Variants in SLC2A9 observed in about 807,000 individuals in gnomAD.
SLC2A9 encodes the protein solute carrier family 2 member 9, also known as solute carrier family 2, facilitated glucose transporter member 9.
In SLC2A9, 39 loss-of-function variants were observed where a neutral mutation model predicts 50.6. That is an observed-to-expected ratio of 0.77 (90% CI 0.60 to 1.01). The LOEUF (loss-of-function observed/expected upper bound fraction) is 1.01, where lower values mean the gene tolerates loss of function less well. Among genes scored for constraint, SLC2A9 ranks in the 50% least tolerant of loss-of-function variants. SLC2A9 has a pLI of 0.00. For synonymous variants in SLC2A9, 324 were observed against 276.9 expected, an observed-to-expected ratio of 1.17 and a Z score of -1.69; for missense variants, 686 against 677.6, an observed-to-expected ratio of 1.01 and a Z score of -0.14.
intron 8 of SLC2A9, among the ~76,000 whole-genome samples, chr4:9,897,444 G>A (rs12644592): frequency 0.61 from 92,585 of 151,824 alleles, 29,112 homozygotes; most frequent in Non-Finnish European, 0.68. Context: ...GTTTGGGAAT[G>A]GGGTCTTTAT....
At chr4:9,938,796 C>T (rs1246341645) in intron 6 of SLC2A9, among the ~76,000 whole-genome samples, 1 of 152,148 alleles carries the variant, frequency 6.6e-6, no homozygotes, top group Non-Finnish European at 1.5e-5. Flanking sequence ...ATCACAGAAG[C>T]AAAGCACCAT....
At chr4:10,007,077 T>C (rs958467165) in intron 2 of SLC2A9, among the ~76,000 whole-genome samples, 1 of 152,210 alleles carries the variant, frequency 6.6e-6, no homozygotes, top group African/African-American at 2.4e-5. Context: ...TTTGCTGACT[T>C]AGCATTGTGT....
intron 8 of SLC2A9, among the ~76,000 whole-genome samples, chr4:9,906,717 A>C (rs1006483741): frequency 1.3e-5 from 2 of 152,226 alleles, no homozygotes; most frequent in Non-Finnish European, 2.9e-5. Context: ...AAAATACTTT[A>C]CAAAAAACAA....
intron 3 of SLC2A9, among the ~76,000 whole-genome samples, chr4:9,808,762 G>A (rs1722459560): frequency 6.6e-6 from 1 of 152,186 alleles, no homozygotes; most frequent in Non-Finnish European, 1.5e-5. Flanking sequence ...GAGCAGCAGT[G>A]TGAACCAGAG....
chr4:9,890,858 G>T, intron 8 of SLC2A9, 147 bp from the exon 9 acceptor site: 2 of 709,642 alleles, frequency 2.8e-6, no homozygotes, highest in East Asian at 2.7e-5. Flanking sequence ...TATGGCCACA[G>T]CCCTGAAGCA....
intron 3 of SLC2A9, chr4:9,782,659 C>T (rs2227846): frequency 1.1e-5 from 18 of 1,613,866 alleles, no homozygotes; most frequent in East Asian, 2.2e-5. Context: ...TTTGGGAGCC[C>T]GACGTGAATG....
At chr4:10,029,574 A>ATTTATT (rs1470059431) in intron 1 of SLC2A9, among the ~76,000 whole-genome samples, 2 of 73,786 alleles carry the variant, frequency 2.7e-5, no homozygotes, top group South Asian at 9.8e-4. Flanking sequence ...TATTTATTTT[A>ATTTATT]TATTTTTATT....
intron 6 of SLC2A9, among the ~76,000 whole-genome samples, chr4:9,937,702 A>G (rs565175438): frequency 8.5e-5 from 13 of 152,178 alleles, no homozygotes; most frequent in African/African-American, 2.9e-4. Flanking sequence ...CCATCTCCAG[A>G]TGGGTATAGG....
intron 3 of SLC2A9, among the ~76,000 whole-genome samples, chr4:9,994,600 G>T (rs1373412789): frequency 6.8e-6 from 1 of 148,112 alleles, no homozygotes. Context: ...TGCCAGTGAG[G>T]GTAGTAAAGC....
intron 10 of SLC2A9, among the ~76,000 whole-genome samples, chr4:9,861,926 G>C (rs1343923846): frequency 1.3e-5 from 2 of 152,192 alleles, no homozygotes; most frequent in African/African-American, 4.8e-5. Context: ...GGTATTGAAA[G>C]TAAAATTCCT....
At chr4:10,022,235 T>G (rs1223771077), upstream of SLC2A9, among the ~76,000 whole-genome samples, 2 of 152,268 alleles carry the variant, frequency 1.3e-5, no homozygotes, top group Non-Finnish European at 2.9e-5. Context: ...GACCCCACTC[T>G]GACTGTCCTG....
chr4:9,824,902 C>T (rs1321371964), downstream of SLC2A9, among the ~76,000 whole-genome samples: 1 of 152,152 alleles, frequency 6.6e-6, no homozygotes, highest in Non-Finnish European at 1.5e-5. Context: ...TTTCAGCCAA[C>T]CCAAAGCTGG....
intron 8 of SLC2A9, among the ~76,000 whole-genome samples, chr4:9,893,958 T>G (rs1226448073): frequency 6.6e-6 from 1 of 151,792 alleles, no homozygotes; most frequent in Non-Finnish European, 1.5e-5. Context: ...AGGCCAAGAG[T>G]GATTATGGGA....
intron 6 of SLC2A9, among the ~76,000 whole-genome samples, chr4:9,924,735 A>G (rs145983116): frequency 1.6e-3 from 251 of 152,308 alleles, no homozygotes; most frequent in African/African-American, 5.7e-3. Flanking sequence ...ACCTTGACTC[A>G]GGCTTTGGGG....
At chr4:9,778,249 A>G (rs1253548154), downstream of SLC2A9, among the ~76,000 whole-genome samples, 2 of 151,758 alleles carry the variant, frequency 1.3e-5, no homozygotes, top group Non-Finnish European at 2.9e-5. Context: ...CTCTTTCTGT[A>G]GCTGGGGTTA....
In SLC2A9 at chr4:9,826,336, GATC is replaced by G; in HGVS notation, c.*58_*60del. On this transcript the variant is annotated 3_prime_UTR_variant, in exon 12 of 12. Transcript: ENST00000264784. ...AAATTTTAAGTTTCCTGAAAAGTGAGATCATCCATGTAGACAATCCTGTTTTTG... is the reference window on the plus strand; with the variant it reads ...AAATTTTAAGTTTCCTGAAAAGTGAGATCCATGTAGACAATCCTGTTTTTG... 1.3e-6 allele frequency: 2 copies of G among 1,549,608 alleles called. No individual in the cohort carries two copies. Among genetic ancestry groups the G allele is most frequent in the Middle Eastern group, 1.7e-4 (1 of 5,922 alleles).
chr4:9,975,836 G>A (rs1348328985), intron 5 of SLC2A9, among the ~76,000 whole-genome samples: 1 of 152,182 alleles, frequency 6.6e-6, no homozygotes, highest in Non-Finnish European at 1.5e-5. Flanking sequence ...GCAAAGACAT[G>A]AAATTAACTT....
In SLC2A9 at chr4:9,834,968, T is replaced by C. The variant is rs756009982; in HGVS notation, c.1332A>G (p.Gln444=). The C allele has an allele frequency of 1.9e-6, 3 of 1,613,886 alleles. No individual in the cohort carries two copies. The highest frequency in any genetic ancestry group is 2.5e-6 in the Non-Finnish European group (3 of 1,179,994). ...PFILTGEFFQ[Q]SQRPAAFIIA... ...TGATGAAGGCAGCCGGCCGCTGAGA[T>C]TGCTGGAAGAACTCACCAGTCAAGA... Residue 444 remains glutamine, a synonymous_variant, in exon 11 of 12, where the codon CAA becomes CAG. Transcript: ENST00000264784.
intron 11 of SLC2A9, among the ~76,000 whole-genome samples, chr4:9,832,721 G>C (rs1726376900): frequency 6.6e-6 from 1 of 152,226 alleles, no homozygotes; most frequent in Non-Finnish European, 1.5e-5. Context: ...TGGAAGTGCA[G>C]TGACCTTGGA....
Sources: allele counts gnomAD v4.1 joint callset (sites outside exome capture counted in the v4.1 genomes callset), GRCh38; gene constraint gnomAD v4.1.1; transcripts MANE v1.5; gene names NCBI Gene and HGNC (gene_info 2026-07-23, HGNC 2026-07-21).